DPF2: variants seen among roughly 807,000 people sequenced by gnomAD.
DPF2 encodes the protein double PHD fingers 2.
In DPF2, 10 loss-of-function variants were observed where a neutral mutation model predicts 59.6. The observed-to-expected ratio is 0.17, with a 90% CI of 0.10 to 0.28. The LOEUF is 0.28. DPF2 is among the 10% of genes least tolerant of loss of function. The pLI is 1.00. For missense variants in DPF2, 315 were observed against 509.4 expected, an observed-to-expected ratio of 0.62 and a Z score of 3.67; for synonymous variants, 189 against 190.6, an observed-to-expected ratio of 0.99 and a Z score of 0.07.
intron 1 of DPF2, among the ~76,000 whole-genome samples, chr11:65,338,636 ACG>A (rs1205662267): frequency 6.6e-6 from 1 of 152,038 alleles, no homozygotes; most frequent in African/African-American, 2.4e-5. Context: ...CTGCTCTCCA[ACG>A]TGAGATTCGT....
intron 1 of DPF2, among the ~76,000 whole-genome samples, chr11:65,339,366 C>T (rs1292877915): frequency 6.6e-6 from 1 of 152,180 alleles, no homozygotes; most frequent in Non-Finnish European, 1.5e-5. Flanking sequence ...CTTCTTAGAA[C>T]CAGATAACTC....
intron 4 of DPF2, among the ~76,000 whole-genome samples, chr11:65,342,827 A>G (rs990297288): frequency 1.3e-5 from 2 of 151,264 alleles, no homozygotes; most frequent in African/African-American, 2.4e-5. Context: ...CCTGGCTAAC[A>G]TGGTGAAACC....
chr11:65,346,134 A>G (rs1203754481), intron 8 of DPF2, 76 bp downstream of exon 8: 3 of 1,602,374 alleles, frequency 1.9e-6, no homozygotes, highest in Non-Finnish European at 1.7e-6. Flanking sequence ...TAGGGCTGTC[A>G]TAACCAGCCC....
chr11:65,346,260 C>T lies in DPF2; in HGVS notation c.918C>T (p.Cys306=), dbSNP rs781004664. ...CCCCCACTACAGGGCATCCATCTTG[C>T]CTCCAATTTACCCCCGTGATGATGG... ...SDCGRSGHPS[C]LQFTPVMMAA... Residue 306 remains cysteine, a synonymous_variant, in exon 9 of 11, where the codon TGC becomes TGT. Transcript: ENST00000528416. The T allele has an allele frequency of 6.2e-7, 1 of 1,614,066 alleles. No homozygotes were observed. Among genetic ancestry groups the T allele is most frequent in the South Asian group, 1.1e-5 (1 of 91,078 alleles).
At position 65,353,918 on chromosome 11, in the gene DPF2, C is replaced by G. The variant is rs976378696; in HGVS notation, c.*2159C>G. On this transcript the variant is annotated 3_prime_UTR_variant, in exon 11 of 11. Transcript: ENST00000528416. ...GATGCGCTTTGGCAGCTGAGTAGTCCGAGAGCCAGAAAAGAAATGTGGAAA... is the reference window on the plus strand; with the variant it reads ...GATGCGCTTTGGCAGCTGAGTAGTCGGAGAGCCAGAAAAGAAATGTGGAAA... 1.3e-5 allele frequency among the ~76,000 whole-genome samples: 2 copies of G among 152,028 alleles called. No homozygotes were observed. Among genetic ancestry groups the G allele is most frequent in the Admixed American group, 6.6e-5 (1 of 15,246 alleles).
At position 65,333,897 on chromosome 11, in the gene DPF2, T is replaced by G. The variant is rs142171251; in HGVS notation, c.11T>G (p.Val4Gly). Residue 4 changes from valine (V) to glycine (G), a missense_variant, in exon 1 of 11, where the codon GTG becomes GGG. Physicochemically the swap from Val to Gly is moderately radical, Grantham distance 109. Around this residue, in one of 4 missense-constraint regions of DPF2, gnomAD observed 228 missense variants for 275.3 expected, o/e 0.83. Transcript: ENST00000528416. MAA[V>G]VENVVKLLGE... ...AGAGGAACAGGGAAGATGGCGGCTGTGGTGGAGAATGTAGTGAAGCTGTGA... is the reference window on the plus strand; with the variant it reads ...AGAGGAACAGGGAAGATGGCGGCTGGGGTGGAGAATGTAGTGAAGCTGTGA... 1 of 1,613,770 alleles carries G rather than the reference T, an allele frequency of 6.2e-7. No individual in the cohort carries two copies. Among genetic ancestry groups the G allele is most frequent in the African/African-American group, 1.3e-5 (1 of 74,882 alleles).
intron 1 of DPF2, among the ~76,000 whole-genome samples, chr11:65,337,499 ATATAT>A (rs1854218991): frequency 1.5e-5 from 1 of 68,468 alleles, no homozygotes; most frequent in Non-Finnish European, 2.7e-5. Context: ...ATATATATAT[ATATAT>A]AGAGAGAGAG....
intron 6 of DPF2, chr11:65,344,379 G>A (rs1013622394): frequency 8.0e-6 from 5 of 626,108 alleles, no homozygotes; most frequent in Non-Finnish European, 1.4e-5. Flanking sequence ...TTAAGCCAGG[G>A]CCCCAGGGGT....
chr11:65,341,723 A>G, intron 4 of DPF2, 161 bp downstream of exon 4: 1 of 948,284 alleles, frequency 1.1e-6, no homozygotes, highest in South Asian at 1.9e-5. Flanking sequence ...TCAGGTACTG[A>G]CTGGCTTCTC....
intron 4 of DPF2, among the ~76,000 whole-genome samples, chr11:65,342,245 T>G (rs141412058): frequency 0.018 from 2,727 of 152,288 alleles, 289 homozygotes; most frequent in Admixed American, 0.17. Context: ...TTCAAAAACT[T>G]TTCAGTCTAG....
intron 1 of DPF2, among the ~76,000 whole-genome samples, chr11:65,339,347 A>G (rs1052819045): frequency 6.6e-6 from 1 of 152,192 alleles, no homozygotes; most frequent in Non-Finnish European, 1.5e-5. Flanking sequence ...GATAGGTTCT[A>G]TATACACGCT....
chr11:65,348,939 G>A lies in DPF2; in HGVS notation c.1099+8G>A, dbSNP rs532265156. 2.5e-6 allele frequency: 4 copies of A among 1,613,940 alleles called. No individual in the cohort carries two copies. The highest frequency in any genetic ancestry group is 3.4e-6 in the Non-Finnish European group (4 of 1,179,954). On this transcript the variant is annotated splice_region_variant and intron_variant, in intron 10 of 10. Coordinates refer to ENST00000528416, the MANE Select transcript of DPF2 (RefSeq NM_006268.5). ...TGTCTGAGCCCCCTGAAGGTAAGTTGCCCAGATCTTTTACTCAGAACAATT... is the reference window on the plus strand; with the variant it reads ...TGTCTGAGCCCCCTGAAGGTAAGTTACCCAGATCTTTTACTCAGAACAATT...
At chr11:65,339,951 G>A (rs910176555) in intron 1 of DPF2, among the ~76,000 whole-genome samples, 1 of 152,206 alleles carries the variant, frequency 6.6e-6, no homozygotes, top group Non-Finnish European at 1.5e-5. Flanking sequence ...GGGCAAGGAT[G>A]TGGGAGCATG....
In DPF2 at chr11:65,353,346, T is replaced by A. The variant is rs1468163802; in HGVS notation, c.*1587T>A. ...ATGACAGGTTTATAACAGTTGACCT[T>A]GCAATCTCAGACATTTAAAACAGGA... On this transcript the variant is annotated 3_prime_UTR_variant, in exon 11 of 11. Transcript: ENST00000528416. The A allele has an allele frequency of 1.3e-5, 2 of 152,230 alleles. No homozygotes were observed. Among genetic ancestry groups the A allele is most frequent in the Non-Finnish European group, 2.9e-5 (2 of 68,038 alleles). 9.4% of individuals were successfully genotyped at this position (152,230 alleles called of 1,614,324 possible).
At chr11:65,337,472 AAAATATAT>A (rs1228880272) in intron 1 of DPF2, among the ~76,000 whole-genome samples, 61 of 50,670 alleles carry the variant, frequency 1.2e-3, no homozygotes, top group South Asian at 2.7e-3. Flanking sequence ...AAAAAAAAAA[AAAATATAT>A]ATATATATAT....
At chr11:65,333,977 G>A in intron 1 of DPF2, 59 bp downstream of exon 1, 1 of 1,595,802 alleles carries the variant, frequency 6.3e-7, no homozygotes, top group Non-Finnish European at 8.5e-7. Flanking sequence ...CCTGGGAGTA[G>A]GGGGCGGTGG....
chr11:65,352,235 G>A lies in DPF2; in HGVS notation c.*476G>A, dbSNP rs1417055045. ...AAGGAGCTTTTCATGCCCCTGTGCC[G>A]CATAGCCTCACCTCTTTCCTCCAGA... On this transcript the variant is annotated 3_prime_UTR_variant, in exon 11 of 11. Coordinates refer to ENST00000528416, the MANE Select transcript of DPF2 (RefSeq NM_006268.5). 3 of 174,174 alleles carry A rather than the reference G, an allele frequency of 1.7e-5. No individual in the cohort carries two copies. The highest frequency in any genetic ancestry group is 1.3e-4 in the South Asian group (1 of 7,652). 10.8% of individuals were successfully genotyped at this position (174,174 alleles called of 1,614,324 possible). A position where few individuals can be genotyped will look rare whatever the true frequency, so the allele number is the denominator to read the frequency against.
chr11:65,348,611 G>GAAAAA (rs56032535), intron 9 of DPF2: 98 of 239,740 alleles, frequency 4.1e-4, no homozygotes, highest in Middle Eastern at 1.2e-3. Context: ...GGGCTTTAGG[G>GAAAAA]AAAAAAAAAA....
intron 1 of DPF2, among the ~76,000 whole-genome samples, chr11:65,334,235 C>T (rs748837942): frequency 2.4e-4 from 37 of 152,220 alleles, no homozygotes; most frequent in Non-Finnish European, 4.7e-4. Context: ...CCGTCCCGGT[C>T]CTCTCCCGAG....
Sources: gnomAD v4.1 joint callset for allele counts (sites outside exome capture counted in the v4.1 genomes callset) on GRCh38, gnomAD v4.1.1 for gene constraint, gnomAD v4.1.1 regional missense constraint, MANE v1.5 for transcripts, NCBI Gene and HGNC (gene_info 2026-07-23, HGNC 2026-07-21) for gene names.